PTPRU: variants seen among roughly 807,000 people sequenced by gnomAD.
PTPRU encodes the protein protein tyrosine phosphatase receptor type U.
Under a neutral mutation model 166.3 loss-of-function variants are expected in PTPRU, and 69 were observed. The ratio of observed to expected loss-of-function variants is 0.41; its 90% CI spans 0.34 to 0.51. The LOEUF (loss-of-function observed/expected upper bound fraction) is 0.51. Among genes scored for constraint, PTPRU ranks in the 20% least tolerant of loss-of-function variants. The probability of loss-of-function intolerance (pLI) is 0.09; values close to 1 mark genes in which losing one functional copy is unlikely to be tolerated. For missense variants in PTPRU, 1,657 were observed against 2,013.7 expected (o/e 0.82, Z 3.39); for synonymous variants, 793 against 814.0 (o/e 0.97, Z 0.44).
rs773615087 is a variant in PTPRU, at chr1:29,275,746, G to A, written c.1443G>A (p.Thr481=). 8.1e-6 allele frequency: 13 copies of A among 1,613,670 alleles called. No individual in the cohort carries two copies. Among genetic ancestry groups the A allele is most frequent in the East Asian group, 4.5e-5 (2 of 44,892 alleles). Residue 481 remains threonine (T), a synonymous_variant, in exon 8 of 30, where the codon ACG becomes ACA. Coordinates refer to ENST00000373779, the MANE Select transcript of PTPRU (RefSeq NM_133178.4). ...RKEGKEVTFQ[T]DEDVPSGIAA... is the part of the protein sequence containing the mutation. ...AGGGCAAGGAGGTCACTTTCCAGAC[G>A]GATGAGGATGGTAAGAGTCTCAGTC...
intron 29 of PTPRU, 76 bp from the exon 30 acceptor site, chr1:29,325,523 C>T (rs895403851): frequency 5.9e-6 from 9 of 1,529,554 alleles, no homozygotes; most frequent in African/African-American, 4.1e-5. Flanking sequence ...TGCCCTCTCA[C>T]TCCCCGTTCC....
chr1:29,310,870 A>G lies in PTPRU; in HGVS notation c.2857+90A>G, dbSNP rs530166436. 14 of 1,443,884 alleles carry G rather than the reference A, an allele frequency of 9.7e-6. No individual in the cohort carries two copies. In the East Asian group the frequency reaches 3.2e-4, roughly 33 times the overall value. 89.4% of individuals were successfully genotyped at this position (1,443,884 alleles called of 1,614,324 possible). A position where few individuals can be genotyped will look rare whatever the true frequency, so the allele number is the denominator to read the frequency against. The stretch of plus-strand genomic sequence containing the variant: ...GCTTGCCTTTCTGCCTCCCCTGCTG[A>G]TCCGCTTGATTCCTGAATGTCTCCC... On this transcript the variant is annotated intron_variant, in intron 19 of 29. Transcript: ENST00000373779.
intron 7 of PTPRU, among the ~76,000 whole-genome samples, chr1:29,267,091 G>A (rs1685336606): frequency 6.6e-6 from 1 of 152,158 alleles, no homozygotes; most frequent in African/African-American, 2.4e-5. Flanking sequence ...TTAGCTGAAT[G>A]TGGTGGCATG....
intron 15 of PTPRU, among the ~76,000 whole-genome samples, chr1:29,295,077 C>T (rs1389605877): frequency 1.3e-5 from 2 of 152,208 alleles, no homozygotes; most frequent in African/African-American, 4.8e-5. Flanking sequence ...AGCTCTGTCA[C>T]CCAGGCTGGA....
intron 7 of PTPRU, among the ~76,000 whole-genome samples, chr1:29,273,443 G>A (rs1350295928): frequency 2.6e-5 from 4 of 152,014 alleles, no homozygotes; most frequent in South Asian, 2.1e-4. Flanking sequence ...TTATTTTTGC[G>A]CTTTTAGTAG....
chr1:29,258,799 T>TC, intron 3 of PTPRU, 23 bp downstream of exon 3: 1 of 1,550,102 alleles, frequency 6.5e-7, no homozygotes, highest in Non-Finnish European at 8.7e-7. Context: ...CAGTCAGCGG[T>TC]CAGCCTGTGC....
intron 1 of PTPRU, among the ~76,000 whole-genome samples, chr1:29,251,140 C>G (rs1336735685): frequency 6.6e-6 from 1 of 152,166 alleles, no homozygotes; most frequent in Admixed American, 6.5e-5. Flanking sequence ...ATAATTCCAG[C>G]TACTTTGCAG....
In PTPRU at chr1:29,315,532, A is replaced by C; in HGVS notation, c.3363+25A>C. 3 of 1,613,758 alleles carry C rather than the reference A, an allele frequency of 1.9e-6. No homozygotes were observed. Among genetic ancestry groups the C allele is most frequent in the Non-Finnish European group, 1.7e-6 (2 of 1,179,846 alleles). On this transcript the variant is annotated intron_variant, in intron 23 of 29. Coordinates refer to ENST00000373779, the MANE Select transcript of PTPRU (RefSeq NM_133178.4). This position sits in a 1 kb window ranked among gnomAD's most constrained non-coding sequence, Gnocchi z 4.5. ...GGTGCGGGGACCTGGCCCTGTCCCC[A>C]CCATTATTACTTCTAGGACTGGAGT...
rs1407679827 is a variant in PTPRU at position 29,320,280 on chromosome 1, AAGACC to A, written c.3688-401_3688-397del. On this transcript the variant is annotated intron_variant, in intron 25 of 29. Transcript: ENST00000373779. The surrounding 1 kb of genome is among the most constrained non-coding windows in gnomAD (Gnocchi z 5.2). ...GGCTTCTTTGAGGAGGTGATAAGTA[AAGACC>A]AGAAGGAAGTGAGGGAGACAGCCAT... is the stretch of plus-strand genomic sequence containing the variant. 12 of 166,358 alleles carry A rather than the reference AAGACC, an allele frequency of 7.2e-5. No individual in the cohort carries two copies. Among genetic ancestry groups the A allele is most frequent in the African/African-American group, 2.9e-4 (12 of 42,102 alleles). The allele number at this position is 166,358 out of a possible 1,614,324, so 10.3% of individuals were successfully genotyped here. A position where few individuals can be genotyped will look rare whatever the true frequency, so the allele number is the denominator to read the frequency against.
chr1:29,249,058 G>A (rs1251135172), intron 1 of PTPRU, among the ~76,000 whole-genome samples: 1 of 152,200 alleles, frequency 6.6e-6, no homozygotes, highest in Non-Finnish European at 1.5e-5. Context: ...GGGACTTAGA[G>A]GCTCAGTGGG....
chr1:29,283,561 C>T (rs530995474), intron 12 of PTPRU, among the ~76,000 whole-genome samples: 2 of 152,184 alleles, frequency 1.3e-5, no homozygotes, highest in South Asian at 4.1e-4. Flanking sequence ...CCCGCCTCCT[C>T]CCTGAAGCCC....
intron 1 of PTPRU, among the ~76,000 whole-genome samples, chr1:29,245,469 A>G (rs1023903786): frequency 1.8e-4 from 28 of 152,214 alleles, no homozygotes; most frequent in Admixed American, 1.4e-3. Context: ...TCCCAGCAAC[A>G]CTGTTGCAGC....
chr1:29,326,341 C>T lies in PTPRU; in HGVS notation c.*680C>T, dbSNP rs1209504642. 2 of 155,634 alleles carry T rather than the reference C, an allele frequency of 1.3e-5. No individual in the cohort carries two copies. The highest frequency in any genetic ancestry group is 2.8e-5 in the Non-Finnish European group (2 of 70,238). 9.6% of individuals were successfully genotyped at this position (155,634 alleles called of 1,614,324 possible). ...CCAGGATCTGCCTATTACTGCTGTG[C>T]CCCATGGGGGGCTCCTTCCCTGCCT... On this transcript the variant is annotated 3_prime_UTR_variant, in exon 30 of 30. Coordinates refer to ENST00000373779, the MANE Select transcript of PTPRU (RefSeq NM_133178.4).
chr1:29,301,659 G>A (rs1486772077), intron 15 of PTPRU, among the ~76,000 whole-genome samples: 3 of 152,078 alleles, frequency 2.0e-5, no homozygotes, highest in Non-Finnish European at 4.4e-5. Context: ...ATGTATACAT[G>A]TGCCATGTTG....
At chr1:29,288,635 C>A (rs1417340789) in intron 14 of PTPRU, among the ~76,000 whole-genome samples, 1 of 152,162 alleles carries the variant, frequency 6.6e-6, no homozygotes, top group Non-Finnish European at 1.5e-5. Flanking sequence ...GTCTTCCGCT[C>A]TCCTCCCCTT....
intron 1 of PTPRU, among the ~76,000 whole-genome samples, chr1:29,249,835 C>A (rs1205137863): frequency 6.6e-6 from 1 of 152,146 alleles, no homozygotes; most frequent in African/African-American, 2.4e-5. Flanking sequence ...TCATCTGAAT[C>A]CAGGATGAGA....
At chr1:29,296,918 A>T (rs1395193481) in intron 15 of PTPRU, among the ~76,000 whole-genome samples, 21 of 151,864 alleles carry the variant, frequency 1.4e-4, no homozygotes, top group Admixed American at 1.4e-3. Flanking sequence ...TTGATAAGTT[A>T]TATTTGTCTA....
At position 29,325,205 on chromosome 1, in the gene PTPRU, G is replaced by T. The variant is rs764451710; in HGVS notation, c.4127G>T (p.Arg1376Leu). 1 of 1,614,176 alleles carries T rather than the reference G, an allele frequency of 6.2e-7. No homozygotes were observed. The highest frequency in any genetic ancestry group is 8.5e-7 in the Non-Finnish European group (1 of 1,180,022). ...TIVHCLNGGG[R>L]SGTFCACATV... ...CTCTCATTCAGAAACGGGGGAGGAC[G>T]CAGCGGCACCTTCTGCGCCTGCGCC... is the stretch of plus-strand genomic sequence containing the variant. Residue 1376 changes from arginine to leucine, a missense_variant, in exon 29 of 30, where the codon CGC becomes CTC. Arg to Leu is a moderately radical substitution (Grantham distance 102). Coordinates refer to ENST00000373779, the MANE Select transcript of PTPRU (RefSeq NM_133178.4).
intron 19 of PTPRU, 152 bp downstream of exon 19, chr1:29,310,932 T>G: frequency 1.0e-6 from 1 of 985,430 alleles, no homozygotes; most frequent in Non-Finnish European, 1.6e-6. Context: ...CTTGTTCATC[T>G]GCTCCCGATT....
Sources: allele counts gnomAD v4.1 joint callset (sites outside exome capture counted in the v4.1 genomes callset), GRCh38; gene constraint gnomAD v4.1.1; non-coding constraint Gnocchi (gnomAD v3.1); transcripts MANE v1.5; gene names NCBI Gene and HGNC (gene_info 2026-07-23, HGNC 2026-07-21).